The following KCNQ5 variants were observed in gnomAD, a reference collection of about 807,000 sequenced individuals.
The protein encoded by KCNQ5 is potassium voltage-gated channel subfamily Q member 5, also known as potassium voltage-gated channel subfamily KQT member 5.
Under a neutral mutation model 98.2 loss-of-function variants are expected in KCNQ5, and 30 were observed. That is an observed-to-expected ratio of 0.31 (90% CI 0.23 to 0.41). The LOEUF is 0.41. KCNQ5 is among the 10% of genes least tolerant of loss of function. The pLI, the probability that KCNQ5 is intolerant of heterozygous loss-of-function variation, is 1.00. For missense variants in KCNQ5, 835 were observed against 1,182.5 expected (o/e 0.71, Z 4.31); for synonymous variants, 458 against 449.4 (o/e 1.02, Z -0.24).
intron 1 of KCNQ5, among the ~76,000 whole-genome samples, chr6:72,923,063 C>G (rs1345180468): frequency 6.6e-6 from 1 of 152,106 alleles, no homozygotes; most frequent in African/African-American, 2.4e-5. Flanking sequence ...CCACCTGCCT[C>G]TGCCTCCCAA....
intron 1 of KCNQ5, among the ~76,000 whole-genome samples, chr6:72,809,317 C>T: frequency 6.6e-6 from 1 of 150,806 alleles, no homozygotes; most frequent in Non-Finnish European, 1.5e-5. Context: ...GGGTGCAGCA[C>T]ACCAGCATGG....
chr6:73,106,099 A>C (rs1171461190), intron 6 of KCNQ5, among the ~76,000 whole-genome samples: 1 of 152,148 alleles, frequency 6.6e-6, no homozygotes, highest in African/African-American at 2.4e-5. Flanking sequence ...TGGGAGCAGA[A>C]GTGCTTAAGG....
At chr6:72,752,384 G>A (rs1159219041) in intron 1 of KCNQ5, among the ~76,000 whole-genome samples, 2 of 152,092 alleles carry the variant, frequency 1.3e-5, no homozygotes, top group Non-Finnish European at 2.9e-5. Context: ...AAGGTAAGTA[G>A]AAATTAATGA....
chr6:73,050,429 C>CTTAGAATAA (rs2150365111), intron 3 of KCNQ5, among the ~76,000 whole-genome samples: 1 of 152,222 alleles, frequency 6.6e-6, no homozygotes, highest in East Asian at 1.9e-4. Flanking sequence ...TAACTTTAGA[C>CTTAGAATAA]TTACTTAGAA....
chr6:72,868,753 G>A (rs1007477528), intron 1 of KCNQ5, among the ~76,000 whole-genome samples: 6 of 152,146 alleles, frequency 3.9e-5, no homozygotes, highest in Non-Finnish European at 8.8e-5. Context: ...CTCCCATAAC[G>A]AGATGGTGTT....
At chr6:72,752,890 ATGAAT>A (rs1407234662) in intron 1 of KCNQ5, among the ~76,000 whole-genome samples, 1 of 152,158 alleles carries the variant, frequency 6.6e-6, no homozygotes, top group African/African-American at 2.4e-5. Context: ...GAAGTGAAGA[ATGAAT>A]TGATCGAGGT....
intron 1 of KCNQ5, among the ~76,000 whole-genome samples, chr6:72,759,500 C>T (rs1449825716): frequency 6.6e-6 from 1 of 152,058 alleles, no homozygotes; most frequent in Non-Finnish European, 1.5e-5. Context: ...CATGCTGTGG[C>T]ATGTTTTGGA....
chr6:72,869,347 G>C (rs1778114839), intron 1 of KCNQ5, among the ~76,000 whole-genome samples: 1 of 152,088 alleles, frequency 6.6e-6, no homozygotes, highest in Non-Finnish European at 1.5e-5. Flanking sequence ...TACAGGCGAG[G>C]GTCATTGACT....
At chr6:72,637,292 G>A (rs9360580) in intron 1 of KCNQ5, among the ~76,000 whole-genome samples, 61,346 of 151,458 alleles carry the variant, frequency 0.41, 13,263 homozygotes, top group Middle Eastern at 0.51. Flanking sequence ...TTTATTTTCA[G>A]TATACACTTT....
chr6:72,912,628 A>C (rs914098228), intron 1 of KCNQ5, among the ~76,000 whole-genome samples: 1 of 152,230 alleles, frequency 6.6e-6, no homozygotes, highest in African/African-American at 2.4e-5. Flanking sequence ...TATAATAATC[A>C]CAATCCCAAA....
At chr6:72,824,533 C>A (rs73756530) in intron 1 of KCNQ5, among the ~76,000 whole-genome samples, 9,413 of 152,060 alleles carry the variant, frequency 0.062, 755 homozygotes, top group African/African-American at 0.19. Flanking sequence ...GCAAAATTAA[C>A]CTGCCTTTCA....
chr6:72,740,548 T>C (rs1771076342), intron 1 of KCNQ5, among the ~76,000 whole-genome samples: 2 of 152,066 alleles, frequency 1.3e-5, no homozygotes, highest in Admixed American at 1.3e-4. Context: ...AAATAGCAAT[T>C]TTATGGCAGG....
At chr6:72,985,013 T>C (rs1349594728) in intron 1 of KCNQ5, among the ~76,000 whole-genome samples, 1 of 152,206 alleles carries the variant, frequency 6.6e-6, no homozygotes, top group African/African-American at 2.4e-5. Context: ...TAGACCAGCC[T>C]GGGCAACAAA....
chr6:72,628,759 G>A (rs2098919277), intron 1 of KCNQ5, among the ~76,000 whole-genome samples: 3 of 151,982 alleles, frequency 2.0e-5, no homozygotes, highest in South Asian at 2.1e-4. Context: ...ACAGACGTGC[G>A]CCACCATACC....
chr6:72,668,171 C>T (rs1565069193), intron 1 of KCNQ5, among the ~76,000 whole-genome samples: 1 of 152,126 alleles, frequency 6.6e-6, no homozygotes, highest in Non-Finnish European at 1.5e-5. Context: ...CACGATAGTA[C>T]AGGGTGTACA....
chr6:72,658,008 T>C (rs1232676550), intron 1 of KCNQ5, among the ~76,000 whole-genome samples: 1 of 152,204 alleles, frequency 6.6e-6, no homozygotes, highest in Non-Finnish European at 1.5e-5. Context: ...GAGTCATAGC[T>C]ATGTTTTGTA....
intron 3 of KCNQ5, among the ~76,000 whole-genome samples, chr6:73,051,955 G>A (rs749298779): frequency 2.6e-5 from 4 of 152,124 alleles, no homozygotes; most frequent in Non-Finnish European, 4.4e-5. Context: ...AGATTCAGGA[G>A]ACAGTGAAAA....
At chr6:73,121,140 A>G (rs1287312912) in intron 8 of KCNQ5, among the ~76,000 whole-genome samples, 2 of 152,210 alleles carry the variant, frequency 1.3e-5, no homozygotes, top group African/African-American at 2.4e-5. Context: ...GCGGATTAAA[A>G]TTTGGAATTT....
intron 1 of KCNQ5, among the ~76,000 whole-genome samples, chr6:72,864,660 C>T (rs112242772): frequency 0.028 from 4,312 of 152,120 alleles, 83 homozygotes; most frequent in Middle Eastern, 0.058. Flanking sequence ...AACATCACTA[C>T]ATAATTTAAT....
Sources: gnomAD v4.1 joint callset for allele counts (sites outside exome capture counted in the v4.1 genomes callset) on GRCh38, gnomAD v4.1.1 for gene constraint, MANE v1.5 for transcripts, NCBI Gene and HGNC (gene_info 2026-07-23, HGNC 2026-07-21) for gene names.